The following XYLT1 variants were observed in gnomAD, a reference collection of about 807,000 sequenced individuals.
XYLT1 encodes the protein beta-D-xylosyltransferase 1.
A neutral mutation model predicts 91.3 loss-of-function variants in XYLT1; 36 were observed. The observed-to-expected ratio is 0.39, with a 90% CI of 0.30 to 0.52. The LOEUF (loss-of-function observed/expected upper bound fraction) is 0.52, where lower values mean the gene tolerates loss of function less well. XYLT1 is among the 20% of genes least tolerant of loss of function. The pLI is 0.68. For synonymous variants in XYLT1, 588 were observed against 532.0 expected, an observed-to-expected ratio of 1.11 and a Z score of -1.45; for missense variants, 1,242 against 1,284.5, an observed-to-expected ratio of 0.97 and a Z score of 0.51.
chr16:17,137,993 T>C (rs977092649), intron 8 of XYLT1, among the ~76,000 whole-genome samples: 2 of 151,878 alleles, frequency 1.3e-5, no homozygotes, highest in Admixed American at 6.6e-5. Context: ...TGGGTACAAA[T>C]GTAACAAATA....
intron 3 of XYLT1, among the ~76,000 whole-genome samples, chr16:17,220,232 A>T (rs2032941993): frequency 1.3e-5 from 2 of 152,228 alleles, no homozygotes; most frequent in African/African-American, 4.8e-5. Flanking sequence ...AACCTAACAG[A>T]TGATACTTAA....
chr16:17,304,177 A>G (rs796644432), intron 2 of XYLT1, among the ~76,000 whole-genome samples: 27 of 152,292 alleles, frequency 1.8e-4, no homozygotes, highest in African/African-American at 5.8e-4. Context: ...GGGAAAAAAA[A>G]GTAGATCAGA....
At chr16:17,311,151 G>A (rs1190496506) in intron 2 of XYLT1, among the ~76,000 whole-genome samples, 1 of 152,110 alleles carries the variant, frequency 6.6e-6, no homozygotes, top group African/African-American at 2.4e-5. Flanking sequence ...AAGTCACCAA[G>A]CTCTTATTGT....
chr16:17,412,232 C>A (rs1020986893), intron 1 of XYLT1, among the ~76,000 whole-genome samples: 3 of 152,022 alleles, frequency 2.0e-5, no homozygotes, highest in African/African-American at 7.2e-5. Context: ...GTTCTCACAG[C>A]CACCGTGCAG....
At chr16:17,176,201 G>T (rs1021924028) in intron 5 of XYLT1, among the ~76,000 whole-genome samples, 2 of 152,168 alleles carry the variant, frequency 1.3e-5, no homozygotes, top group Non-Finnish European at 2.9e-5. Flanking sequence ...CTCACTATGT[G>T]CCAGGCACTG....
At chr16:17,155,083 G>A (rs2031372846) in intron 6 of XYLT1, among the ~76,000 whole-genome samples, 1 of 152,214 alleles carries the variant, frequency 6.6e-6, no homozygotes, top group Non-Finnish European at 1.5e-5. Context: ...CAGAGTAGCT[G>A]CCTCAAAGTC....
chr16:17,209,034 A>AT (rs2032710589), intron 3 of XYLT1, among the ~76,000 whole-genome samples: 1 of 152,182 alleles, frequency 6.6e-6, no homozygotes, highest in African/African-American at 2.4e-5. Flanking sequence ...TATTTTAAGC[A>AT]TTTTTAAGTT....
At chr16:17,212,551 A>G (rs1160277285) in intron 3 of XYLT1, among the ~76,000 whole-genome samples, 1 of 151,982 alleles carries the variant, frequency 6.6e-6, no homozygotes, top group Non-Finnish European at 1.5e-5. Context: ...GCTCATGGCC[A>G]CTCACTCCAC....
chr16:17,191,581 A>G (rs2032310821), intron 5 of XYLT1, among the ~76,000 whole-genome samples: 1 of 152,218 alleles, frequency 6.6e-6, no homozygotes, highest in Non-Finnish European at 1.5e-5. Context: ...GGCCCAGCAC[A>G]CAGTAGGTGT....
chr16:17,200,562 C>T lies in XYLT1; in HGVS notation c.1006G>A (p.Gly336Ser), dbSNP rs748903122. 1.1e-5 allele frequency: 17 copies of T among 1,614,082 alleles called. No homozygotes were observed. The highest frequency in any genetic ancestry group is 1.6e-4 in the Middle Eastern group (1 of 6,084). ...VRIAFVLVVHGRASRQLQRMF... is the reference protein window; with the variant it reads ...VRIAFVLVVHSRASRQLQRMF... ...CGCTGCAACTGCCGAGAGGCACGGC[C>T]GTGGACCACCAGGACAAAGGCGATT... Residue 336 changes from glycine (G) to serine (S), a missense_variant, in exon 4 of 12, where the codon GGC (glycine) becomes AGC (serine). Coordinates refer to ENST00000261381, the MANE Select transcript of XYLT1 (RefSeq NM_022166.4).
At chr16:17,186,834 A>G (rs2141574634) in intron 5 of XYLT1, among the ~76,000 whole-genome samples, 1 of 152,146 alleles carries the variant, frequency 6.6e-6, no homozygotes, top group East Asian at 1.9e-4. Context: ...TCCCCGTCAG[A>G]GCACACCTGT....
At chr16:17,129,185 G>T (rs567127790) in intron 9 of XYLT1, among the ~76,000 whole-genome samples, 1 of 151,764 alleles carries the variant, frequency 6.6e-6, no homozygotes, top group Non-Finnish European at 1.5e-5. Context: ...AAAGTCCAGC[G>T]ACTGTGCTGT....
intron 6 of XYLT1, among the ~76,000 whole-genome samples, chr16:17,142,600 A>AT (rs71137976): frequency 0.83 from 116,197 of 139,614 alleles, 48,327 homozygotes; most frequent in African/African-American, 0.84. Context: ...CACCCAGCTA[A>AT]TTTTTTTTTT....
intron 2 of XYLT1, among the ~76,000 whole-genome samples, chr16:17,349,690 A>T (rs7200734): frequency 2.0e-5 from 3 of 148,492 alleles, no homozygotes; most frequent in African/African-American, 7.6e-5. Flanking sequence ...ACTTCCCATA[A>T]GAGATAGTTG....
intron 1 of XYLT1, among the ~76,000 whole-genome samples, chr16:17,466,590 C>T (rs2036900333): frequency 6.6e-6 from 1 of 152,146 alleles, no homozygotes; most frequent in South Asian, 2.1e-4. Context: ...TGAAAAATAG[C>T]AAGCCTTTGA....
chr16:17,200,397 C>G, intron 4 of XYLT1, 85 bp downstream of exon 4: 1 of 1,521,638 alleles, frequency 6.6e-7, no homozygotes, highest in Non-Finnish European at 9.0e-7. Flanking sequence ...GCAGTCTGGA[C>G]TAGCAATGCA....
intron 5 of XYLT1, among the ~76,000 whole-genome samples, chr16:17,191,692 G>A (rs1012558427): frequency 2.6e-5 from 4 of 152,218 alleles, no homozygotes; most frequent in African/African-American, 9.6e-5. Context: ...CTGGCCACCT[G>A]TTCCTGTCTT....
At chr16:17,112,670 G>C (rs545546097) in intron 11 of XYLT1, among the ~76,000 whole-genome samples, 1 of 152,250 alleles carries the variant, frequency 6.6e-6, no homozygotes, top group South Asian at 2.1e-4. Flanking sequence ...GACCTCTAAG[G>C]GGGTGGGATT....
chr16:17,131,460 C>T (rs533527030), intron 9 of XYLT1, among the ~76,000 whole-genome samples: 10 of 152,284 alleles, frequency 6.6e-5, no homozygotes, highest in South Asian at 4.1e-4. Context: ...TGCATTCCCA[C>T]GGAATGTACT....
Sources: allele counts gnomAD v4.1 joint callset (sites outside exome capture counted in the v4.1 genomes callset), GRCh38; gene constraint gnomAD v4.1.1; transcripts MANE v1.5; gene names NCBI Gene and HGNC (gene_info 2026-07-23, HGNC 2026-07-21).